PPP4R3B: variants seen among roughly 807,000 people sequenced by gnomAD.
PPP4R3B encodes serine/threonine-protein phosphatase 4 regulatory subunit 3B.
In PPP4R3B, 52 loss-of-function variants were observed where a neutral mutation model predicts 95.4. That is an observed-to-expected ratio of 0.54 (90% CI 0.44 to 0.69). The LOEUF is 0.69. PPP4R3B is among the 30% of genes least tolerant of loss of function. PPP4R3B has a pLI of 0.00. For missense variants in PPP4R3B, 1,003 were observed against 1,005.9 expected (o/e 1.00, Z 0.04); for synonymous variants, 407 against 343.9 (o/e 1.18, Z -2.03).
intron 2 of PPP4R3B, among the ~76,000 whole-genome samples, chr2:55,613,919 G>T (rs1694543890): frequency 6.6e-6 from 1 of 152,014 alleles, no homozygotes; most frequent in African/African-American, 2.4e-5. Context: ...GAGATTAAGA[G>T]CTGCCTGGCT....
At chr2:55,616,369 C>T (rs775965479) in intron 1 of PPP4R3B, 1 of 152,126 alleles carries the variant, frequency 6.6e-6, no homozygotes, top group Non-Finnish European at 1.5e-5. Flanking sequence ...CAAGACTAAA[C>T]CTAAGATTAT....
intron 2 of PPP4R3B, chr2:55,614,153 G>C (rs1694578405): frequency 6.6e-6 from 1 of 152,166 alleles, no homozygotes. Context: ...TGTTCTAACA[G>C]TAAGACTTTG....
At chr2:55,572,313 G>C (rs1436060541) in intron 12 of PPP4R3B, among the ~76,000 whole-genome samples, 1 of 152,076 alleles carries the variant, frequency 6.6e-6, no homozygotes, top group African/African-American at 2.4e-5. Flanking sequence ...AAGTTATCTG[G>C]AAAACAATAC....
chr2:55,579,855 C>A, intron 8 of PPP4R3B, 74 bp from the exon 9 acceptor site: 1 of 882,424 alleles, frequency 1.1e-6, no homozygotes, highest in Non-Finnish European at 1.7e-6. Flanking sequence ...GCAGTACATA[C>A]CTTTTCCAGA....
intron 11 of PPP4R3B, among the ~76,000 whole-genome samples, chr2:55,576,019 C>T (rs1688615499): frequency 6.6e-6 from 1 of 151,638 alleles, no homozygotes; most frequent in Non-Finnish European, 1.5e-5. Flanking sequence ...CAGCCAGTAC[C>T]ACAGCCAAAA....
chr2:55,611,574 A>T (rs1030696251), intron 2 of PPP4R3B, among the ~76,000 whole-genome samples: 1 of 152,246 alleles, frequency 6.6e-6, no homozygotes, highest in African/African-American at 2.4e-5. Flanking sequence ...CAGTCATATG[A>T]CATTCAGCTT....
At chr2:55,560,302 CT>C (rs1686415075) in intron 15 of PPP4R3B, among the ~76,000 whole-genome samples, 1 of 152,188 alleles carries the variant, frequency 6.6e-6, no homozygotes, top group Admixed American at 6.5e-5. Context: ...GAAGTCCAGG[CT>C]GAGGAGGTCT....
At chr2:55,580,075 A>C (rs1298678675) in intron 8 of PPP4R3B, among the ~76,000 whole-genome samples, 1 of 152,166 alleles carries the variant, frequency 6.6e-6, no homozygotes, top group Non-Finnish European at 1.5e-5. Context: ...AAGATCAGAG[A>C]GCATCACAAA....
chr2:55,577,036 A>G (rs1400243786), intron 11 of PPP4R3B, among the ~76,000 whole-genome samples: 1 of 152,232 alleles, frequency 6.6e-6, no homozygotes. Context: ...TTAGTTTACT[A>G]CATTTCAAAA....
At chr2:55,589,057 A>T in intron 4 of PPP4R3B, 101 bp from the exon 5 acceptor site, 1 of 717,782 alleles carries the variant, frequency 1.4e-6, no homozygotes, top group Non-Finnish European at 2.2e-6. Flanking sequence ...GACAAGTAGT[A>T]TTTTCATCAT....
At chr2:55,565,748 G>C (rs1195376982) in intron 13 of PPP4R3B, 1 of 210,388 alleles carries the variant, frequency 4.8e-6, no homozygotes, top group Non-Finnish European at 1.0e-5. Context: ...GTTTTCAAAT[G>C]AGCCTAACTC....
At chr2:55,612,945 C>CAA (rs558897062) in intron 2 of PPP4R3B, among the ~76,000 whole-genome samples, 4,646 of 121,022 alleles carry the variant, frequency 0.038, 105 homozygotes, top group South Asian at 0.094. Flanking sequence ...GACTCCATCT[C>CAA]AAAAAAAAAA....
At chr2:55,550,513 A>G (rs1685130914) in intron 16 of PPP4R3B, among the ~76,000 whole-genome samples, 1 of 152,224 alleles carries the variant, frequency 6.6e-6, no homozygotes, top group African/African-American at 2.4e-5. Context: ...AATAATAAGT[A>G]AAACATTTAG....
Position 55,564,961 on chromosome 2 carries a change from G to C in PPP4R3B, c.2016C>G (p.Phe672Leu). 1 of 1,609,826 alleles carries C rather than the reference G, an allele frequency of 6.2e-7. No homozygotes were observed. Among genetic ancestry groups the C allele is most frequent in the Non-Finnish European group, 8.5e-7 (1 of 1,178,352 alleles). Reference sequence around the variant, plus strand: ...GCTCATATTTAGTCTTCAATCCTTTGAATGTCTGAACATATTCAATCGATT... The same window carrying C: ...GCTCATATTTAGTCTTCAATCCTTTCAATGTCTGAACATATTCAATCGATT... Reference protein sequence around the residue: ...ALESIEYVQTFKGLKTKYEQE... With the variant: ...ALESIEYVQTLKGLKTKYEQE... Residue 672 changes from phenylalanine (F) to leucine (L), a missense_variant, in exon 14 of 17, where the codon TTC becomes TTG. Coordinates refer to ENST00000616407, the MANE Select transcript of PPP4R3B (RefSeq NM_001122964.3).
intron 16 of PPP4R3B, among the ~76,000 whole-genome samples, 176 bp downstream of exon 16, chr2:55,558,599 T>C (rs749266971): frequency 4.6e-5 from 7 of 152,090 alleles, no homozygotes; most frequent in Non-Finnish European, 1.0e-4. Context: ...AGAGTGAGAC[T>C]CTGTCTCAAA....
At chr2:55,586,795 A>C in intron 5 of PPP4R3B, 61 bp from the exon 6 acceptor site, 1 of 972,372 alleles carries the variant, frequency 1.0e-6, no homozygotes, top group Admixed American at 2.0e-5. Flanking sequence ...ACACTATAGT[A>C]ATCATCTACC....
intron 16 of PPP4R3B, among the ~76,000 whole-genome samples, chr2:55,554,665 T>G (rs1685616473): frequency 6.6e-6 from 1 of 152,216 alleles, no homozygotes; most frequent in Admixed American, 6.5e-5. Context: ...AGATATATCA[T>G]TTACAAATAT....
chr2:55,569,702 G>A (rs13027803), intron 12 of PPP4R3B, among the ~76,000 whole-genome samples: 27,738 of 151,944 alleles, frequency 0.18, 2,741 homozygotes, highest in East Asian at 0.3. Flanking sequence ...CCTTTGTCTT[G>A]TATCCAATAA....
At chr2:55,555,278 T>TAAAAAAAAAAA (rs372423262) in intron 16 of PPP4R3B, among the ~76,000 whole-genome samples, 3 of 108,888 alleles carry the variant, frequency 2.8e-5, no homozygotes, top group Non-Finnish European at 3.6e-5. Flanking sequence ...AGACTCCGTC[T>TAAAAAAAAAAA]AAAAAAAAAA....
Sources: allele counts gnomAD v4.1 joint callset (sites outside exome capture counted in the v4.1 genomes callset), GRCh38; gene constraint gnomAD v4.1.1; transcripts MANE v1.5; gene names NCBI Gene and HGNC (gene_info 2026-07-23, HGNC 2026-07-21).